Variants in PC observed in about 807,000 individuals in gnomAD.
PC encodes the protein pyruvate carboxylase, also known as pyruvate carboxylase, mitochondrial.
In PC, 46 loss-of-function variants were observed where a neutral mutation model predicts 107.8. The observed-to-expected ratio is 0.43, with a 90% CI of 0.34 to 0.55. The LOEUF (loss-of-function observed/expected upper bound fraction) is 0.55. Ranked by LOEUF, PC falls within the 20% of genes least tolerant of loss-of-function variation. The probability of loss-of-function intolerance (pLI) is 0.04; values close to 1 mark genes in which losing one functional copy is unlikely to be tolerated. For missense variants in PC, 1,241 were observed against 1,643.1 expected, an observed-to-expected ratio of 0.76 and a Z score of 4.23; for synonymous variants, 662 against 684.7, an observed-to-expected ratio of 0.97 and a Z score of 0.52.
At chr11:66,884,490 G>T (rs1947292642) in intron 3 of PC, among the ~76,000 whole-genome samples, 1 of 152,110 alleles carries the variant, frequency 6.6e-6, no homozygotes, top group Admixed American at 6.6e-5. Flanking sequence ...GATTAGTAAG[G>T]CTTGGCCCCT....
chr11:66,927,030 G>A (rs1206430396), intron 3 of PC, among the ~76,000 whole-genome samples: 1 of 149,150 alleles, frequency 6.7e-6, no homozygotes, highest in Non-Finnish European at 1.5e-5. Context: ...TGCTCTCGTC[G>A]CCCAGGCTGG....
At chr11:66,900,637 A>T (rs561788604) in intron 3 of PC, among the ~76,000 whole-genome samples, 34 of 152,346 alleles carry the variant, frequency 2.2e-4, no homozygotes, top group Non-Finnish European at 4.3e-4. Context: ...ATCCATGATC[A>T]TGGGGTATCT....
chr11:66,920,431 T>G (rs956424212), intron 3 of PC, among the ~76,000 whole-genome samples: 8 of 152,038 alleles, frequency 5.3e-5, no homozygotes, highest in African/African-American at 1.9e-4. Flanking sequence ...AAGCCCCATA[T>G]CTCGGATGAT....
At position 66,858,588 on chromosome 11, in the gene PC, C is replaced by T. The variant is rs1359394368; in HGVS notation, c.1368+5186G>A. 2 of 1,533,636 alleles carry T rather than the reference C, an allele frequency of 1.3e-6. No homozygotes were observed. Among genetic ancestry groups the T allele is most frequent in the Admixed American group, 3.9e-5 (2 of 50,880 alleles). The stretch of plus-strand genomic sequence containing the variant: ...GGGCGAGTTCTCCTGTGAGCCGCCC[C>T]TCATTGCCCGCCACACGCAGCGCCT... On this transcript the variant is annotated intron_variant, in intron 12 of 22. Transcript: ENST00000393960. The surrounding 1 kb of genome is among the most constrained non-coding windows in gnomAD (Gnocchi z 5.9).
intron 3 of PC, among the ~76,000 whole-genome samples, chr11:66,942,705 C>T (rs919790255): frequency 2.6e-5 from 4 of 152,022 alleles, no homozygotes; most frequent in South Asian, 4.2e-4. Flanking sequence ...CTGAACTGTA[C>T]GCTGGAAAAT....
rs755678453 is a variant in PC, at chr11:66,857,831, G to T, written c.1369-4448C>A. ...GCGTCTGCCAGAACCTGTCCGAGTCGCTCAGCACCCTCTGTGCCCACCGAG... is the reference window on the plus strand; with the variant it reads ...GCGTCTGCCAGAACCTGTCCGAGTCTCTCAGCACCCTCTGTGCCCACCGAG... On this transcript the variant is annotated intron_variant, in intron 12 of 22. Transcript: ENST00000393960. This position sits in a 1 kb window ranked among gnomAD's most constrained non-coding sequence, Gnocchi z 7.1. 5.0e-6 allele frequency: 8 copies of T among 1,605,096 alleles called. No individual in the cohort carries two copies. The Middle Eastern group carries it at 6.6e-4, about 132-fold the overall frequency.
chr11:66,880,275 C>G (rs1032750217), intron 3 of PC, among the ~76,000 whole-genome samples: 1 of 152,128 alleles, frequency 6.6e-6, no homozygotes, highest in Non-Finnish European at 1.5e-5. Context: ...GCAGGGTCTT[C>G]AAGGTTATGG....
At chr11:66,862,229 C>T (rs539151991) in intron 12 of PC, among the ~76,000 whole-genome samples, 1 of 152,168 alleles carries the variant, frequency 6.6e-6, no homozygotes, top group Non-Finnish European at 1.5e-5. Context: ...CGACAGGGAC[C>T]CCCAACAGGG....
intron 3 of PC, among the ~76,000 whole-genome samples, chr11:66,894,723 T>TC (rs1947691384): frequency 1.3e-5 from 2 of 152,130 alleles, no homozygotes; most frequent in South Asian, 4.1e-4. Flanking sequence ...GGCTGAAAGC[T>TC]TTCAAAAAGC....
intron 3 of PC, among the ~76,000 whole-genome samples, chr11:66,907,631 A>C (rs1948206614): frequency 6.6e-6 from 1 of 152,170 alleles, no homozygotes. Context: ...ACAGCTCTTG[A>C]GAAATGATCT....
At chr11:66,914,266 C>A (rs566615239) in intron 3 of PC, among the ~76,000 whole-genome samples, 1 of 152,272 alleles carries the variant, frequency 6.6e-6, no homozygotes, top group South Asian at 2.1e-4. Flanking sequence ...AATCCCAGCA[C>A]TTTGGGAGGC....
At chr11:66,929,792 C>T (rs1283192900) in intron 3 of PC, among the ~76,000 whole-genome samples, 1 of 152,178 alleles carries the variant, frequency 6.6e-6, no homozygotes, top group Non-Finnish European at 1.5e-5. Flanking sequence ...GTTAGGAATA[C>T]AGGCATGAGC....
chr11:66,909,650 C>T (rs796248764), intron 3 of PC, among the ~76,000 whole-genome samples: 22 of 152,292 alleles, frequency 1.4e-4, no homozygotes, highest in African/African-American at 5.3e-4. Flanking sequence ...CCTCCAGGAG[C>T]TCACGTCAGG....
At chr11:66,861,696 T>C (rs1946267426) in intron 12 of PC, among the ~76,000 whole-genome samples, 1 of 152,090 alleles carries the variant, frequency 6.6e-6, no homozygotes, top group Non-Finnish European at 1.5e-5. Context: ...GCTGCCACGC[T>C]GGGCGCTAGC....
In PC at chr11:66,857,065, C is replaced by G. The variant is rs1230771602; in HGVS notation, c.1369-3682G>C. 6.8e-6 allele frequency: 1 copy of G among 146,858 alleles called. No individual in the cohort carries two copies. Among genetic ancestry groups the G allele is most frequent in the East Asian group, 2.0e-4 (1 of 5,036 alleles). The allele number at this position is 146,858 out of a possible 1,614,324, so 9.1% of individuals were successfully genotyped here. The stretch of plus-strand genomic sequence containing the variant: ...TGCGTGTCCGCGGCGCGCGCGCCCG[C>G]CGGCGCGCACCCGCTCGCCTGTCGC... On this transcript the variant is annotated intron_variant, in intron 12 of 22. Coordinates refer to ENST00000393960, the MANE Select transcript of PC (RefSeq NM_001040716.2). This position sits in a 1 kb window ranked among gnomAD's most constrained non-coding sequence, Gnocchi z 7.1.
intron 3 of PC, among the ~76,000 whole-genome samples, chr11:66,880,728 A>C (rs986361216): frequency 1.3e-5 from 2 of 152,216 alleles, no homozygotes; most frequent in Admixed American, 6.5e-5. Flanking sequence ...ATGGCCAGGC[A>C]CAGGAAGCAG....
rs770436536 is a variant in PC at position 66,857,731 on chromosome 11, A to G, written c.1369-4348T>C. 1.3e-6 allele frequency: 2 copies of G among 1,582,410 alleles called. No individual in the cohort carries two copies. The highest frequency in any genetic ancestry group is 1.7e-5 in the Admixed American group (1 of 59,320). ...TGTGCCTGGGCTGTGGCCCCTTCCT[A>G]CAGGGCGCTCACCATGGCCCCGCCG... is the stretch of plus-strand genomic sequence containing the variant. On this transcript the variant is annotated intron_variant, in intron 12 of 22. Coordinates refer to ENST00000393960, the MANE Select transcript of PC (RefSeq NM_001040716.2). The surrounding 1 kb of genome is among the most constrained non-coding windows in gnomAD (Gnocchi z 7.1).
chr11:66,913,091 G>A (rs1000207402), intron 3 of PC, among the ~76,000 whole-genome samples: 2 of 152,124 alleles, frequency 1.3e-5, no homozygotes, highest in Admixed American at 6.5e-5. Context: ...CATTGGAGAC[G>A]AGACTGTTAG....
intron 3 of PC, among the ~76,000 whole-genome samples, chr11:66,942,399 C>CAAAAAAAAAAAAAAA (rs577741732): frequency 2.3e-5 from 2 of 87,022 alleles, no homozygotes; most frequent in Admixed American, 1.3e-4. Context: ...GACTCCATCT[C>CAAAAAAAAAAAAAAA]AAAAAAAAAA....
Sources: allele counts gnomAD v4.1 joint callset (sites outside exome capture counted in the v4.1 genomes callset), GRCh38; gene constraint gnomAD v4.1.1; non-coding constraint Gnocchi (gnomAD v3.1); transcripts MANE v1.5; gene names NCBI Gene and HGNC (gene_info 2026-07-23, HGNC 2026-07-21).